TLK2: variants seen among roughly 807,000 people sequenced by gnomAD.
TLK2 encodes the protein tousled like kinase 2.
TLK2 carries 6 observed loss-of-function variants against 117.3 expected under a neutral mutation model. That is an observed-to-expected ratio of 0.05 (90% CI 0.03 to 0.10). The LOEUF (loss-of-function observed/expected upper bound fraction) is 0.10, where lower values mean the gene tolerates loss of function less well. TLK2 is among the 10% of genes least tolerant of loss of function. The pLI is 1.00. For synonymous variants in TLK2, 257 were observed against 316.7 expected (o/e 0.81, Z 2.00); for missense variants, 299 against 901.2 (o/e 0.33, Z 8.56).
intron 6 of TLK2, among the ~76,000 whole-genome samples, chr17:62,531,440 A>AT (rs1206030763): frequency 1.3e-5 from 2 of 152,164 alleles, no homozygotes; most frequent in African/African-American, 4.8e-5. Context: ...CCTGTCTTTT[A>AT]TTTTTTAAAA....
Position 62,586,010 on chromosome 17 carries a change from G to A in TLK2, c.1369-125G>A, listed in dbSNP as rs908181696. ...GAAGGTGCTTGCAACACTGATATAA[G>A]TATGTGATGTATTTAATAATGTATT... On this transcript the variant is annotated intron_variant, in intron 15 of 21. Coordinates refer to ENST00000346027, the MANE Select transcript of TLK2 (RefSeq NM_006852.6). 36 of 659,388 alleles carry A rather than the reference G, an allele frequency of 5.5e-5. No homozygotes were observed. In the Middle Eastern group the frequency reaches 1.3e-3, roughly 24 times the overall value. 40.8% of individuals were successfully genotyped at this position (659,388 alleles called of 1,614,324 possible).
At chr17:62,604,094 T>C (rs2083079570) in intron 19 of TLK2, among the ~76,000 whole-genome samples, 1 of 151,964 alleles carries the variant, frequency 6.6e-6, no homozygotes, top group Admixed American at 6.6e-5. Context: ...AGCCTCCGCC[T>C]CCCGAGTTCA....
intron 12 of TLK2, chr17:62,574,262 C>T: frequency 6.6e-7 from 1 of 1,519,612 alleles, no homozygotes; most frequent in Non-Finnish European, 8.8e-7. Context: ...CCAATCCTCA[C>T]CCCATACATA....
intron 10 of TLK2, among the ~76,000 whole-genome samples, chr17:62,561,404 G>A (rs1162757528): frequency 1.3e-5 from 2 of 152,206 alleles, no homozygotes; most frequent in African/African-American, 4.8e-5. Flanking sequence ...GAATTGCGGG[G>A]TTTCGCCATG....
At chr17:62,563,969 C>T (rs1479407371) in intron 10 of TLK2, among the ~76,000 whole-genome samples, 1 of 152,096 alleles carries the variant, frequency 6.6e-6, no homozygotes, top group Non-Finnish European at 1.5e-5. Flanking sequence ...TGGAAGTGTG[C>T]AAAGTGGTGT....
chr17:62,483,300 T>A (rs2071914247), intron 2 of TLK2, among the ~76,000 whole-genome samples: 1 of 152,170 alleles, frequency 6.6e-6, no homozygotes, highest in South Asian at 2.1e-4. Flanking sequence ...TCGTGATGGC[T>A]GTATTCAAGT....
intron 2 of TLK2, among the ~76,000 whole-genome samples, chr17:62,492,315 G>T (rs62074045): frequency 0.031 from 4,734 of 152,182 alleles, 105 homozygotes; most frequent in Middle Eastern, 0.058. Flanking sequence ...AAAGTACCTT[G>T]TTTTGCCCAT....
At chr17:62,529,437 T>C (rs948548518) in intron 6 of TLK2, among the ~76,000 whole-genome samples, 17 of 152,274 alleles carry the variant, frequency 1.1e-4, no homozygotes, top group Middle Eastern at 3.4e-3. Context: ...TTTCTCCATG[T>C]TGGCCAGGCT....
intron 7 of TLK2, among the ~76,000 whole-genome samples, chr17:62,548,806 G>A (rs1358852716): frequency 1.3e-5 from 2 of 151,218 alleles, no homozygotes; most frequent in South Asian, 2.1e-4. Flanking sequence ...GCATGATCTC[G>A]GCTCACTGCA....
At chr17:62,610,296 C>T (rs2083644474) in intron 21 of TLK2, among the ~76,000 whole-genome samples, 1 of 152,226 alleles carries the variant, frequency 6.6e-6, no homozygotes, top group Non-Finnish European at 1.5e-5. Context: ...TCTTCTCTTC[C>T]TGTCCTCCCA....
At chr17:62,591,444 T>C (rs2147002866) in intron 16 of TLK2, among the ~76,000 whole-genome samples, 1 of 151,468 alleles carries the variant, frequency 6.6e-6, no homozygotes, top group African/African-American at 2.4e-5. Context: ...TGCAGCAAGC[T>C]CACTTCAAAA....
intron 5 of TLK2, among the ~76,000 whole-genome samples, chr17:62,523,579 AAAAGAAAG>A (rs373251817): frequency 6.6e-6 from 1 of 152,150 alleles, no homozygotes; most frequent in Non-Finnish European, 1.5e-5. Context: ...GTCTCCAAAA[AAAAGAAAG>A]AAAGAAAGAA....
At chr17:62,546,617 G>A (rs1424220728) in intron 7 of TLK2, among the ~76,000 whole-genome samples, 10 of 146,830 alleles carry the variant, frequency 6.8e-5, no homozygotes, top group Non-Finnish European at 1.3e-4. Flanking sequence ...GTGCGGTGGC[G>A]TGATCTTGGC....
chr17:62,560,907 A>G (rs2079214949), intron 10 of TLK2, among the ~76,000 whole-genome samples: 2 of 152,028 alleles, frequency 1.3e-5, no homozygotes, highest in African/African-American at 4.8e-5. Context: ...TACATGTGCC[A>G]TATTGATGTG....
intron 13 of TLK2, among the ~76,000 whole-genome samples, chr17:62,577,720 T>C (rs2080914580): frequency 6.6e-6 from 1 of 152,210 alleles, no homozygotes; most frequent in South Asian, 2.1e-4. Flanking sequence ...GTTTTCATGC[T>C]GTTTTCCCAC....
chr17:62,528,877 A>T (rs1024658229), intron 6 of TLK2, among the ~76,000 whole-genome samples: 1 of 152,218 alleles, frequency 6.6e-6, no homozygotes, highest in African/African-American at 2.4e-5. Flanking sequence ...TTACATAGGA[A>T]GGTAGACTAT....
intron 2 of TLK2, among the ~76,000 whole-genome samples, chr17:62,485,466 A>T (rs2072231192): frequency 6.6e-6 from 1 of 152,162 alleles, no homozygotes; most frequent in South Asian, 2.1e-4. Context: ...CTCATTACCT[A>T]TATTTAGGTT....
intron 7 of TLK2, among the ~76,000 whole-genome samples, chr17:62,542,508 T>C (rs376804009): frequency 2.7e-4 from 41 of 152,338 alleles, no homozygotes; most frequent in African/African-American, 9.6e-4. Flanking sequence ...GTTGTTTAGT[T>C]ATTGTTACAG....
intron 2 of TLK2, among the ~76,000 whole-genome samples, chr17:62,507,133 G>T (rs1009890404): frequency 1.4e-4 from 21 of 151,690 alleles, no homozygotes; most frequent in African/African-American, 4.8e-4. Flanking sequence ...TTTTGGCGGG[G>T]CGCGCTGAGT....
Sources: gnomAD v4.1 joint callset for allele counts (sites outside exome capture counted in the v4.1 genomes callset) on GRCh38, gnomAD v4.1.1 for gene constraint, MANE v1.5 for transcripts, NCBI Gene and HGNC (gene_info 2026-07-23, HGNC 2026-07-21) for gene names.